The following ARFGEF3 variants were observed in gnomAD, a reference collection of about 807,000 sequenced individuals.
The protein encoded by ARFGEF3 is brefeldin A-inhibited guanine nucleotide-exchange protein 3.
In ARFGEF3, 96 loss-of-function variants were observed where a neutral mutation model predicts 221.7. That is an observed-to-expected ratio of 0.43 (90% CI 0.37 to 0.51). The LOEUF (loss-of-function observed/expected upper bound fraction) is 0.51, where lower values mean the gene tolerates loss of function less well. ARFGEF3 is among the 20% of genes least tolerant of loss of function. ARFGEF3 has a pLI of 0.00. For synonymous variants in ARFGEF3, 1,145 were observed against 1,126.8 expected (o/e 1.02, Z -0.32); for missense variants, 2,410 against 2,789.9 (o/e 0.86, Z 3.07).
intron 12 of ARFGEF3, among the ~76,000 whole-genome samples, chr6:138,266,089 C>T (rs896516356): frequency 6.6e-6 from 1 of 151,946 alleles, no homozygotes; most frequent in Non-Finnish European, 1.5e-5. Context: ...GGTAGTGCAC[C>T]TTTGTCCCAG....
chr6:138,314,751 G>T (rs1430962377), intron 26 of ARFGEF3, among the ~76,000 whole-genome samples: 1 of 152,218 alleles, frequency 6.6e-6, no homozygotes, highest in East Asian at 1.9e-4. Flanking sequence ...ACATTAAATT[G>T]TAAGACTCCA....
At chr6:138,171,478 T>G (rs1776829797) in intron 2 of ARFGEF3, among the ~76,000 whole-genome samples, 1 of 152,218 alleles carries the variant, frequency 6.6e-6, no homozygotes, top group Admixed American at 6.5e-5. Flanking sequence ...ATCTGACTGG[T>G]TGTGAAGTCC....
In ARFGEF3 at chr6:138,336,574, C is replaced by A. The variant is rs1780330385; in HGVS notation, c.*88C>A. ...GCTGTTGCATTTTCCCCACCACTAG[C>A]CCCACTTAAACTACTACTACTGTCT... On this transcript the variant is annotated 3_prime_UTR_variant, in exon 34 of 34. Coordinates refer to ENST00000251691, the MANE Select transcript of ARFGEF3 (RefSeq NM_020340.5). 1.8e-6 allele frequency: 2 copies of A among 1,108,272 alleles called. No homozygotes were observed. The highest frequency in any genetic ancestry group is 2.6e-6 in the Non-Finnish European group (2 of 779,724). 68.7% of individuals were successfully genotyped at this position (1,108,272 alleles called of 1,614,324 possible).
At chr6:138,317,925 G>T (rs1449250470) in intron 27 of ARFGEF3, among the ~76,000 whole-genome samples, 4 of 152,080 alleles carry the variant, frequency 2.6e-5, no homozygotes, top group African/African-American at 9.7e-5. Context: ...AGAAAAGAAT[G>T]ACTTTTAGGA....
intron 1 of ARFGEF3, among the ~76,000 whole-genome samples, chr6:138,165,726 G>A (rs750109321): frequency 2.0e-5 from 3 of 151,806 alleles, no homozygotes; most frequent in South Asian, 2.1e-4. Context: ...ACACTCATGA[G>A]AGACTGAGAC....
intron 2 of ARFGEF3, among the ~76,000 whole-genome samples, chr6:138,196,209 C>A (rs1433938006): frequency 1.1e-4 from 17 of 152,088 alleles, no homozygotes. Context: ...TCAGTAAATG[C>A]CAATAATACA....
chr6:138,298,584 C>G, intron 21 of ARFGEF3, 22 bp from the exon 22 acceptor site: 1 of 1,601,982 alleles, frequency 6.2e-7, no homozygotes, highest in Non-Finnish European at 8.5e-7. Context: ...GATGGTGAGC[C>G]ACTCTCTCGT....
chr6:138,174,019 A>G (rs1035887140), intron 2 of ARFGEF3, among the ~76,000 whole-genome samples: 1 of 152,248 alleles, frequency 6.6e-6, no homozygotes, highest in East Asian at 1.9e-4. Context: ...ATTGAACCAT[A>G]TGAATGAGAC....
intron 5 of ARFGEF3, among the ~76,000 whole-genome samples, chr6:138,234,252 G>A (rs1184811146): frequency 6.6e-6 from 1 of 152,204 alleles, no homozygotes; most frequent in Non-Finnish European, 1.5e-5. Flanking sequence ...GAATCGATGG[G>A]TTAAGGTGTC....
Position 138,206,987 on chromosome 6 carries a change from C to A in ARFGEF3, c.138-55C>A. On this transcript the variant is annotated intron_variant, in intron 2 of 33. Coordinates refer to ENST00000251691, the MANE Select transcript of ARFGEF3 (RefSeq NM_020340.5). ...GTGGGTGTACATAAGGCTTACATCA[C>A]TTGACTGCCAGCTTTACTGAGCTCA... is the stretch of plus-strand genomic sequence containing the variant. 2.1e-6 allele frequency: 3 copies of A among 1,451,026 alleles called. No homozygotes were observed. In the African/African-American group the frequency reaches 4.2e-5, roughly 20 times the overall value. 89.9% of individuals were successfully genotyped at this position (1,451,026 alleles called of 1,614,324 possible). A position where few individuals can be genotyped will look rare whatever the true frequency, so the allele number is the denominator to read the frequency against.
At chr6:138,245,387 T>A (rs1484013016) in intron 7 of ARFGEF3, 126 bp from the exon 8 acceptor site, 8 of 693,998 alleles carry the variant, frequency 1.2e-5, no homozygotes, top group African/African-American at 7.1e-5. Context: ...TAAGGGCTTC[T>A]CCACATCTGA....
At chr6:138,169,271 C>G (rs1776780737) in intron 1 of ARFGEF3, among the ~76,000 whole-genome samples, 1 of 152,194 alleles carries the variant, frequency 6.6e-6, no homozygotes, top group Non-Finnish European at 1.5e-5. Context: ...GCCATTTTCT[C>G]CTTGACCTTT....
chr6:138,168,017 ATCT>A (rs1776754741), intron 1 of ARFGEF3, among the ~76,000 whole-genome samples: 1 of 152,104 alleles, frequency 6.6e-6, no homozygotes, highest in Non-Finnish European at 1.5e-5. Context: ...AGCCACACTG[ATCT>A]TCTTTCAGTT....
intron 14 of ARFGEF3, among the ~76,000 whole-genome samples, chr6:138,281,526 C>T (rs917082422): frequency 6.6e-6 from 1 of 152,150 alleles, no homozygotes; most frequent in Non-Finnish European, 1.5e-5. Context: ...CCATGAGTAC[C>T]CAGTGTTTAG....
intron 4 of ARFGEF3, among the ~76,000 whole-genome samples, chr6:138,226,973 T>C (rs1266158333): frequency 6.6e-6 from 1 of 152,216 alleles, no homozygotes. Context: ...TGCATGAGCT[T>C]AAGGAACTGG....
chr6:138,225,950 C>T (rs1025331924), intron 4 of ARFGEF3, among the ~76,000 whole-genome samples: 18 of 152,304 alleles, frequency 1.2e-4, no homozygotes, highest in African/African-American at 4.3e-4. Flanking sequence ...GTTCCTGTAA[C>T]TATCCTTGGG....
intron 2 of ARFGEF3, among the ~76,000 whole-genome samples, chr6:138,204,448 G>A (rs1051455664): frequency 6.6e-6 from 1 of 151,308 alleles, no homozygotes; most frequent in Non-Finnish European, 1.5e-5. Flanking sequence ...ACTACAGCCT[G>A]TAGGTCAAAT....
rs527640474 is a variant in ARFGEF3, at chr6:138,305,904, TTAA to T, written c.3829-1347_3829-1345del. ...GAGAATCCTACATCTAACATCACAC[TTAA>T]TGATGAAAGACAGTGTTTTTCTCTT... On this transcript the variant is annotated intron_variant, in intron 22 of 33. Transcript: ENST00000251691. 4.5e-4 allele frequency among the ~76,000 whole-genome samples: 69 copies of T among 152,288 alleles called. 1 individual carries two copies. The South Asian group carries it at 0.012, about 27-fold the overall frequency.
intron 4 of ARFGEF3, among the ~76,000 whole-genome samples, chr6:138,220,716 C>T (rs530316632): frequency 4.6e-5 from 7 of 152,254 alleles, no homozygotes; most frequent in Non-Finnish European, 8.8e-5. Flanking sequence ...AGAAGGACAT[C>T]GACTCAGCCC....
Sources: allele counts gnomAD v4.1 joint callset (sites outside exome capture counted in the v4.1 genomes callset), GRCh38; gene constraint gnomAD v4.1.1; transcripts MANE v1.5; gene names NCBI Gene and HGNC (gene_info 2026-07-23, HGNC 2026-07-21).